EVC: variants seen among roughly 807,000 people sequenced by gnomAD.
EVC encodes the protein evC complex member EVC.
Under a neutral mutation model 118.9 loss-of-function variants are expected in EVC, and 116 were observed. The ratio of observed to expected loss-of-function variants is 0.98; its 90% CI spans 0.84 to 1.14. EVC has a LOEUF of 1.14. Ranked by LOEUF, EVC falls within the 50% of genes most tolerant of loss-of-function variation. EVC has a pLI of 0.00. For missense variants in EVC, 1,401 were observed against 1,246.4 expected (o/e 1.12, Z -1.87); for synonymous variants, 619 against 534.7 (o/e 1.16, Z -2.18).
Position 5,718,760 on chromosome 4 carries a change from G to T in EVC, c.175-488G>T, listed in dbSNP as rs1304301769. Reference sequence around the variant, plus strand: ...CAAATACAGAATCCATAAATAATGAGCATTCATTGTAGTTCAGAATAGAAA... The same window carrying T: ...CAAATACAGAATCCATAAATAATGATCATTCATTGTAGTTCAGAATAGAAA... On this transcript the variant is annotated intron_variant, in intron 1 of 20. Coordinates refer to ENST00000264956, the MANE Select transcript of EVC (RefSeq NM_153717.3). Among the ~76,000 whole-genome samples the T allele has an allele frequency of 4.6e-5, 7 of 152,274 alleles. No homozygotes were observed. The East Asian group carries it at 1.4e-3, about 29-fold the overall frequency.
At position 5,793,657 on chromosome 4, in the gene EVC, GGGA is replaced by G; in HGVS notation, c.1830_1832del (p.Glu610del). 6.4e-7 allele frequency: 1 copy of G among 1,553,112 alleles called. No individual in the cohort carries two copies. On this transcript the variant is annotated inframe_deletion, in exon 13 of 21. Transcript: ENST00000264956. ...TCCAGCGTGCTGCAGACACACCTGCGGGAGGACCACGAGGGCACCATCCGCGGC... is the reference window on the plus strand; with the variant it reads ...TCCAGCGTGCTGCAGACACACCTGCGGGACCACGAGGGCACCATCCGCGGC...
At chr4:5,728,970 A>G (rs1383653040) in intron 2 of EVC, among the ~76,000 whole-genome samples, 1 of 151,788 alleles carries the variant, frequency 6.6e-6, no homozygotes, top group African/African-American at 2.4e-5. Context: ...CCACCCATCT[A>G]TCTCTCCACC....
In EVC at chr4:5,804,768, G is replaced by A; in HGVS notation, c.2488G>A (p.Glu830Lys). The A allele has an allele frequency of 6.2e-7, 1 of 1,614,190 alleles. No homozygotes were observed. The highest frequency in any genetic ancestry group is 8.5e-7 in the Non-Finnish European group (1 of 1,180,032). ...AAATTACAAACTGCGGAAAAAGCAA[G>A]AACTCAGCAACCCTTCGTCGGGCAG... The part of the protein sequence containing the change: ...MENYKLRKKQ[E>K]LSNPSSGSRT... The change falls in exon 17 of 21, where the codon GAA becomes AAA. Residue 830 changes from glutamate to lysine, a missense_variant. Transcript: ENST00000264956.
At chr4:5,720,460 TC>T (rs1724758477) in intron 2 of EVC, among the ~76,000 whole-genome samples, 6 of 152,254 alleles carry the variant, frequency 3.9e-5, no homozygotes, top group Admixed American at 2.6e-4. Context: ...GAGTGCTGCG[TC>T]CCCACACCCA....
chr4:5,715,379 C>T (rs1723768799), intron 1 of EVC, among the ~76,000 whole-genome samples: 1 of 152,184 alleles, frequency 6.6e-6, no homozygotes, highest in Non-Finnish European at 1.5e-5. Flanking sequence ...GGCTCTACCC[C>T]AGACTCACTG....
chr4:5,715,924 A>G (rs193008869), intron 1 of EVC, among the ~76,000 whole-genome samples: 28 of 152,002 alleles, frequency 1.8e-4, no homozygotes, highest in Admixed American at 1.4e-3. Context: ...TTGTATTTTT[A>G]GTAGAGATGG....
At chr4:5,797,400 T>A (rs1714177173) in intron 14 of EVC, 168 bp downstream of exon 14, 1 of 661,984 alleles carries the variant, frequency 1.5e-6, no homozygotes, top group Admixed American at 2.1e-5. Context: ...ACCGGGCAGC[T>A]TACACTGCAC....
chr4:5,717,220 A>T (rs6823754), intron 1 of EVC, among the ~76,000 whole-genome samples: 12 of 152,112 alleles, frequency 7.9e-5, no homozygotes, highest in Non-Finnish European at 1.8e-4. Flanking sequence ...TGAGTTTTTC[A>T]TATTTTCAAT....
Position 5,748,180 on chromosome 4 carries a change from C to A in EVC, c.972C>A (p.Ile324=). The change falls in exon 8 of 21, where the codon ATC becomes ATA. Residue 324 remains isoleucine, a synonymous_variant. Coordinates refer to ENST00000264956, the MANE Select transcript of EVC (RefSeq NM_153717.3). ...MEAFWKQMAN[I]QHFLVDQFKC... Reference sequence around the variant, plus strand: ...CTTTCTGGAAACAGATGGCAAATATCCAGCACTTTCTTGTGGACCAGTTTA... The same window carrying A: ...CTTTCTGGAAACAGATGGCAAATATACAGCACTTTCTTGTGGACCAGTTTA... The A allele has an allele frequency of 1.9e-6, 3 of 1,614,240 alleles. No homozygotes were observed. The highest frequency in any genetic ancestry group is 1.7e-6 in the Non-Finnish European group (2 of 1,180,044).
intron 11 of EVC, among the ~76,000 whole-genome samples, chr4:5,773,775 C>T (rs1342235968): frequency 6.6e-6 from 1 of 152,112 alleles, no homozygotes; most frequent in South Asian, 2.1e-4. Flanking sequence ...GTTCAACCCA[C>T]TTCCCATTTT....
rs1311326855 is a variant in EVC at position 5,813,644 on chromosome 4, C to G, written c.*2607C>G. ...CCATAATTGGTCGGTTACCCTGAGC[C>G]CAGAGCTCTGAAAGCATCTGTGGAA... On this transcript the variant is annotated 3_prime_UTR_variant, in exon 21 of 21. Coordinates refer to ENST00000264956, the MANE Select transcript of EVC (RefSeq NM_153717.3). 1 of 152,172 alleles carries G rather than the reference C, an allele frequency of 6.6e-6. No individual in the cohort carries two copies. The highest frequency in any genetic ancestry group is 1.9e-4 in the East Asian group (1 of 5,180). 9.4% of individuals were successfully genotyped at this position (152,172 alleles called of 1,614,324 possible).
rs776792609 is a variant in EVC at position 5,745,332 on chromosome 4, A to C, written c.930A>C (p.Leu310=). The change falls in exon 7 of 21, where the codon CTA becomes CTC. Residue 310 remains leucine (L), a synonymous_variant. Coordinates refer to ENST00000264956, the MANE Select transcript of EVC (RefSeq NM_153717.3). ...AGGAGAGAGAATACTCTGAACAGCT[A>C]ATCGATAATGTGCGTGCCAGACTTT... The part of the protein sequence containing the change: ...EKKEREYSEQ[L]IDNMEAFWKQ... The C allele has an allele frequency of 3.7e-6, 6 of 1,613,848 alleles. No individual in the cohort carries two copies. In the African/African-American group the frequency reaches 6.7e-5, roughly 18 times the overall value.
chr4:5,730,814 A>G (rs1020093658), intron 3 of EVC, among the ~76,000 whole-genome samples: 5 of 152,246 alleles, frequency 3.3e-5, no homozygotes, highest in African/African-American at 9.6e-5. Context: ...TCTAAGCCAG[A>G]GCCACTTCAC....
At chr4:5,767,927 C>T (rs943212021) in intron 11 of EVC, among the ~76,000 whole-genome samples, 2 of 152,218 alleles carry the variant, frequency 1.3e-5, no homozygotes, top group African/African-American at 2.4e-5. Flanking sequence ...GGCCCCTCCC[C>T]CCACCGGCAG....
At chr4:5,802,496 GCATTT>G (rs1489729794) in intron 16 of EVC, among the ~76,000 whole-genome samples, 1 of 152,132 alleles carries the variant, frequency 6.6e-6, no homozygotes, top group South Asian at 2.1e-4. Flanking sequence ...TATCTATTGT[GCATTT>G]CATTTCTATT....
chr4:5,722,534 T>C (rs976358415), intron 2 of EVC, among the ~76,000 whole-genome samples: 6 of 152,192 alleles, frequency 3.9e-5, no homozygotes, highest in African/African-American at 1.4e-4. Context: ...GCCTTGTGGT[T>C]CCTGCCACGC....
chr4:5,821,623 A>G, the EVC span: 3 of 815,378 alleles, frequency 3.7e-6, no homozygotes, highest in African/African-American at 1.7e-5. The surrounding 1 kb of genome is among the most constrained non-coding windows in gnomAD (Gnocchi z 4.4). Flanking sequence ...CTAAACAGAA[A>G]AGGGAAAGAG....
At position 5,797,319 on chromosome 4, in the gene EVC, G is replaced by A. The variant is rs997735908; in HGVS notation, c.2097+87G>A. On this transcript the variant is annotated intron_variant, in intron 14 of 20. Coordinates refer to ENST00000264956, the MANE Select transcript of EVC (RefSeq NM_153717.3). ...GCTTCCAGCAGGTTTGCCAGAACCC[G>A]AATCCTATCACCCTTGGTGCTGCAG... The A allele has an allele frequency of 4.5e-5, 51 of 1,127,926 alleles. No individual in the cohort carries two copies. The African/African-American group carries it at 6.0e-4, about 13-fold the overall frequency. The allele number at this position is 1,127,926 out of a possible 1,614,324, so 69.9% of individuals were successfully genotyped here. A position where few individuals can be genotyped will look rare whatever the true frequency, so the allele number is the denominator to read the frequency against.
chr4:5,825,924 T>A, the EVC span: 18,295 of 500,700 alleles, frequency 0.037, 430 homozygotes, highest in African/African-American at 0.056. This position sits in a 1 kb window ranked among gnomAD's most constrained non-coding sequence, Gnocchi z 4.4. Flanking sequence ...GCACACGCAC[T>A]CACATACATG....
Sources: gnomAD v4.1 joint callset for allele counts (sites outside exome capture counted in the v4.1 genomes callset) on GRCh38, gnomAD v4.1.1 for gene constraint, Gnocchi (gnomAD v3.1) non-coding constraint, MANE v1.5 for transcripts, NCBI Gene and HGNC (gene_info 2026-07-23, HGNC 2026-07-21) for gene names.